Variants in OR5H1 observed in about 807,000 individuals in gnomAD.
OR5H1 encodes the protein olfactory receptor 5H1.
For synonymous variants in OR5H1, 124 were observed against 134.4 expected, an observed-to-expected ratio of 0.92 and a Z score of 0.54; for missense variants, 378 against 366.8, an observed-to-expected ratio of 1.03 and a Z score of -0.25.
At position 98,133,587 on chromosome 3, in the gene OR5H1, T is replaced by C; in HGVS notation, c.890T>C (p.Val297Ala). 1 of 1,610,524 alleles carries C rather than the reference T, an allele frequency of 6.2e-7. No homozygotes were observed. The highest frequency in any genetic ancestry group is 1.1e-5 in the South Asian group (1 of 90,174). ...PIIYSLRNKQ[V>A]TVSFTKMLKK... Reference sequence around the variant, plus strand: ...ATCTACAGTCTGAGAAATAAGCAAGTCACAGTTTCATTCACAAAAATGTTA... The same window carrying C: ...ATCTACAGTCTGAGAAATAAGCAAGCCACAGTTTCATTCACAAAAATGTTA... Residue 297 changes from valine (V) to alanine (A), a missense_variant, in exon 2 of 2, where the codon GTC becomes GCC. Val to Ala is a moderately conservative substitution (Grantham distance 64). Transcript: ENST00000641874.
At position 98,133,760 on chromosome 3, in the gene OR5H1, T is replaced by A. The variant is rs1258782146; in HGVS notation, c.*121T>A. On this transcript the variant is annotated 3_prime_UTR_variant, in exon 2 of 2. Transcript: ENST00000641874. ...GTTCTAGCACTTTAGTGAGCTAATG[T>A]TTTAGTACCTAATAAACTAATCGCA... 1.4e-5 allele frequency: 10 copies of A among 736,812 alleles called. No homozygotes were observed. The highest frequency in any genetic ancestry group is 2.2e-5 in the Non-Finnish European group (10 of 445,656). 45.6% of individuals were successfully genotyped at this position (736,812 alleles called of 1,614,324 possible). A position where few individuals can be genotyped will look rare whatever the true frequency, so the allele number is the denominator to read the frequency against.
At position 98,134,180 on chromosome 3, in the gene OR5H1, A is replaced by G. The variant is rs559117586; in HGVS notation, c.*541A>G. The stretch of plus-strand genomic sequence containing the variant: ...GAAATGCAATGAGAAAAATAAAAAT[A>G]GAAGGAATGAACAGTGAAGGCACTG... On this transcript the variant is annotated 3_prime_UTR_variant, in exon 2 of 2. Transcript: ENST00000641874. 6.3e-6 allele frequency: 1 copy of G among 158,864 alleles called. No individual in the cohort carries two copies. Among genetic ancestry groups the G allele is most frequent in the East Asian group, 1.9e-4 (1 of 5,382 alleles). The allele number at this position is 158,864 out of a possible 1,614,324, so 9.8% of individuals were successfully genotyped here. A position where few individuals can be genotyped will look rare whatever the true frequency, so the allele number is the denominator to read the frequency against.
chr3:98,131,742 A>C (rs1708258052), intron 1 of OR5H1, among the ~76,000 whole-genome samples: 1 of 152,000 alleles, frequency 6.6e-6, no homozygotes, highest in Non-Finnish European at 1.5e-5. Context: ...GAGCTCTAAT[A>C]GGCTCATATT....
chr3:98,132,586 G>T, intron 1 of OR5H1, 94 bp from the exon 2 acceptor site: 1 of 1,392,550 alleles, frequency 7.2e-7, no homozygotes, highest in East Asian at 2.3e-5. Flanking sequence ...AGAGGGTTCT[G>T]ATCATTTTAG....
At position 98,133,067 on chromosome 3, in the gene OR5H1, G is replaced by A; in HGVS notation, c.370G>A (p.Val124Ile). ...LLATMAYDRY[V>I]AICKPLLYPA... Reference sequence around the variant, plus strand: ...GGCAACGATGGCATATGATCGCTATGTAGCCATATGCAAACCTTTACTTTA... The same window carrying A: ...GGCAACGATGGCATATGATCGCTATATAGCCATATGCAAACCTTTACTTTA... Residue 124 changes from valine (V) to isoleucine (I), a missense_variant, in exon 2 of 2, where the codon GTA becomes ATA. Physicochemically the swap from Val to Ile is conservative, Grantham distance 29 (BLOSUM62 3). Coordinates refer to ENST00000641874, the MANE Select transcript of OR5H1 (RefSeq NM_001005338.2). 1 of 1,613,590 alleles carries A rather than the reference G, an allele frequency of 6.2e-7. No individual in the cohort carries two copies. Among genetic ancestry groups the A allele is most frequent in the Non-Finnish European group, 8.5e-7 (1 of 1,179,668 alleles).
chr3:98,135,105 A>G lies in OR5H1; in HGVS notation c.*1466A>G, dbSNP rs537180055. ...ATTAGAATTTAGAGTTTATCTGAGG[A>G]GACTCGATTTATTTTGCAACACCAG... On this transcript the variant is annotated 3_prime_UTR_variant, in exon 2 of 2. Transcript: ENST00000641874. 6.6e-6 allele frequency: 1 copy of G among 152,288 alleles called. No homozygotes were observed. Among genetic ancestry groups the G allele is most frequent in the Admixed American group, 6.5e-5 (1 of 15,278 alleles). The allele number at this position is 152,288 out of a possible 1,614,324, so 9.4% of individuals were successfully genotyped here. A position where few individuals can be genotyped will look rare whatever the true frequency, so the allele number is the denominator to read the frequency against.
chr3:98,133,097 G>A lies in OR5H1; in HGVS notation c.400G>A (p.Ala134Thr). ...VAICKPLLYPAIMTNGLCIRL... is the reference protein window; with the variant it reads ...VAICKPLLYPTIMTNGLCIRL... Reference sequence around the variant, plus strand: ...CATATGCAAACCTTTACTTTATCCAGCCATTATGACCAATGGACTGTGCAT... The same window carrying A: ...CATATGCAAACCTTTACTTTATCCAACCATTATGACCAATGGACTGTGCAT... Residue 134 changes from alanine to threonine, a missense_variant, in exon 2 of 2, where the codon GCC becomes ACC. Ala to Thr is a moderately conservative substitution (Grantham distance 58). Transcript: ENST00000641874. 5.0e-6 allele frequency: 8 copies of A among 1,613,526 alleles called. No homozygotes were observed. Among genetic ancestry groups the A allele is most frequent in the Non-Finnish European group, 6.8e-6 (8 of 1,179,686 alleles).
Position 98,132,805 on chromosome 3 carries a change from C to T in OR5H1, c.108C>T (p.Leu36=). Residue 36 remains leucine (L), a synonymous_variant, in exon 2 of 2, where the codon CTC becomes CTT. Transcript: ENST00000641874. The part of the protein sequence containing the change: ...PLFLAFLVIY[L]ITIMGNLGLI... ...TCCTGGCATTCTTGGTAATATATCT[C>T]ATCACCATCATGGGGAATCTTGGTC... The T allele has an allele frequency of 6.2e-7, 1 of 1,613,528 alleles. No individual in the cohort carries two copies. Among genetic ancestry groups the T allele is most frequent in the Non-Finnish European group, 8.5e-7 (1 of 1,179,596 alleles).
chr3:98,131,501 G>A (rs1291793983), intron 1 of OR5H1, among the ~76,000 whole-genome samples: 1 of 151,152 alleles, frequency 6.6e-6, no homozygotes, highest in South Asian at 2.1e-4. Context: ...AGTTCTTTTG[G>A]CAGTATGTTA....
At chr3:98,132,588 T>A in intron 1 of OR5H1, 92 bp from the exon 2 acceptor site, 2 of 1,403,640 alleles carry the variant, frequency 1.4e-6, no homozygotes, top group Non-Finnish European at 1.9e-6. Context: ...AGGGTTCTGA[T>A]CATTTTAGGT....
At position 98,135,247 on chromosome 3, in the gene OR5H1, TG is replaced by T. The variant is rs1187365370; in HGVS notation, c.*1609del. The T allele has an allele frequency of 6.6e-6, 1 of 152,052 alleles. No homozygotes were observed. Among genetic ancestry groups the T allele is most frequent in the Admixed American group, 6.6e-5 (1 of 15,244 alleles). The allele number at this position is 152,052 out of a possible 1,614,324, so 9.4% of individuals were successfully genotyped here. On this transcript the variant is annotated 3_prime_UTR_variant, in exon 2 of 2. Transcript: ENST00000641874. ...TGTATTGGTTAAAGTGGAGCAGTAG[TG>T]TTATTTTGATCATTCCAGTGGAAAA...
rs750381220 is a variant in OR5H1, at chr3:98,133,380, A to C, written c.683A>C (p.Lys228Thr). The C allele has an allele frequency of 6.2e-7, 1 of 1,613,286 alleles. No individual in the cohort carries two copies. The highest frequency in any genetic ancestry group is 1.1e-5 in the South Asian group (1 of 91,076). The change falls in exon 2 of 2, where the codon AAG becomes ACG. Residue 228 changes from lysine to threonine, a missense_variant. Lys to Thr is a moderately conservative substitution (Grantham distance 78). Transcript: ENST00000641874. ...YTFVLFAILKKKSDKGVRKAF... is the reference protein window; with the variant it reads ...YTFVLFAILKTKSDKGVRKAF... ...TTTGTTCTCTTCGCAATCTTAAAAAAGAAATCTGATAAAGGTGTAAGGAAA... is the reference window on the plus strand; with the variant it reads ...TTTGTTCTCTTCGCAATCTTAAAAACGAAATCTGATAAAGGTGTAAGGAAA...
At position 98,137,345 on chromosome 3, in the gene OR5H1, C is replaced by G. The variant is rs763005027; in HGVS notation, c.*3706C>G. On this transcript the variant is annotated 3_prime_UTR_variant, in exon 2 of 2. Coordinates refer to ENST00000641874, the MANE Select transcript of OR5H1 (RefSeq NM_001005338.2). ...AATCTTTACTTGTCAGAGCCTTTTC[C>G]GCAAATCTGTTGAGATTAGACAGAT... 6.6e-6 allele frequency: 1 copy of G among 152,100 alleles called. No homozygotes were observed. Among genetic ancestry groups the G allele is most frequent in the Non-Finnish European group, 1.5e-5 (1 of 68,010 alleles). The allele number at this position is 152,100 out of a possible 1,614,324, so 9.4% of individuals were successfully genotyped here.
chr3:98,133,611 T>TA lies in OR5H1; in HGVS notation c.921dup (p.His308ThrfsTer3), dbSNP rs750155763. On this transcript the variant is annotated frameshift_variant, in exon 2 of 2. Transcript: ENST00000641874. LOFTEE classifies it low-confidence loss of function (END_TRUNC). ...GTCACAGTTTCATTCACAAAAATGT[T>TA]AAAAAAACATGTTAAGGTTTCATAC... The TA allele has an allele frequency of 1.2e-5, 20 of 1,603,768 alleles. No individual in the cohort carries two copies. In the East Asian group the frequency reaches 2.2e-4, roughly 18 times the overall value.
Position 98,133,459 on chromosome 3 carries a change from C to A in OR5H1, c.762C>A (p.Pro254=). ...HLFSVSLYYG[P]LLFIYVGPAS... is the part of the protein sequence containing the mutation. Reference sequence around the variant, plus strand: ...TCTCTGTCTCTTTATACTATGGACCCCTTCTCTTCATTTATGTGGGCCCTG... The same window carrying A: ...TCTCTGTCTCTTTATACTATGGACCACTTCTCTTCATTTATGTGGGCCCTG... The change falls in exon 2 of 2, where the codon CCC becomes CCA. Residue 254 remains proline (P), a synonymous_variant. Transcript: ENST00000641874. 1.3e-6 allele frequency: 2 copies of A among 1,526,152 alleles called. No individual in the cohort carries two copies. Among genetic ancestry groups the A allele is most frequent in the Non-Finnish European group, 1.8e-6 (2 of 1,100,864 alleles). 94.5% of individuals were successfully genotyped at this position (1,526,152 alleles called of 1,614,324 possible). A position where few individuals can be genotyped will look rare whatever the true frequency, so the allele number is the denominator to read the frequency against.
chr3:98,135,988 G>A lies in OR5H1; in HGVS notation c.*2349G>A, dbSNP rs1490597441. ...GTGAACTTCCTGAGTGGGACACTAA[G>A]CATCATGCATGAAGATTATCCTCTG... On this transcript the variant is annotated 3_prime_UTR_variant, in exon 2 of 2. Transcript: ENST00000641874. 1.3e-5 allele frequency: 2 copies of A among 152,196 alleles called. No individual in the cohort carries two copies. The highest frequency in any genetic ancestry group is 6.5e-5 in the Admixed American group (1 of 15,282). 9.4% of individuals were successfully genotyped at this position (152,196 alleles called of 1,614,324 possible).
rs746725091 is a variant in OR5H1, at chr3:98,132,776, C to T, written c.79C>T (p.Leu27=). 2.0e-5 allele frequency: 33 copies of T among 1,613,538 alleles called. No homozygotes were observed. The highest frequency in any genetic ancestry group is 1.9e-4 in the South Asian group (17 of 91,068). The change falls in exon 2 of 2, where the codon CTG becomes TTG. Residue 27 remains leucine (L), a synonymous_variant. Transcript: ENST00000641874. ...FLYQPQWKIP[L]FLAFLVIYLI... ...ATATCAACCACAGTGGAAAATACCC[C>T]TGTTCCTGGCATTCTTGGTAATATA...
Position 98,133,743 on chromosome 3 carries a change from A to C in OR5H1, c.*104A>C, listed in dbSNP as rs1576097484. ...TTTTTGCAAGTACAACTGTTCTAGC[A>C]CTTTAGTGAGCTAATGTTTTAGTAC... On this transcript the variant is annotated 3_prime_UTR_variant, in exon 2 of 2. Coordinates refer to ENST00000641874, the MANE Select transcript of OR5H1 (RefSeq NM_001005338.2). 2.3e-6 allele frequency: 2 copies of C among 867,664 alleles called. No individual in the cohort carries two copies. Among genetic ancestry groups the C allele is most frequent in the South Asian group, 1.5e-5 (1 of 66,080 alleles). The allele number at this position is 867,664 out of a possible 1,614,324, so 53.7% of individuals were successfully genotyped here. A position where few individuals can be genotyped will look rare whatever the true frequency, so the allele number is the denominator to read the frequency against.
chr3:98,132,974 T>A lies in OR5H1; in HGVS notation c.277T>A (p.Ser93Thr), dbSNP rs761037640. 5.6e-6 allele frequency: 9 copies of A among 1,613,482 alleles called. No homozygotes were observed. The African/African-American group carries it at 1.1e-4, about 19-fold the overall frequency. Reference sequence around the variant, plus strand: ...CTTCTTAGCTAAGAGTAAGATGATATCTCTCTCTGAATGCAAGATACAGTT... The same window carrying A: ...CTTCTTAGCTAAGAGTAAGATGATAACTCTCTCTGAATGCAAGATACAGTT... ...NNFLAKSKMI[S>T]LSECKIQFFS... The change falls in exon 2 of 2, where the codon TCT becomes ACT. Residue 93 changes from serine to threonine, a missense_variant. Transcript: ENST00000641874.
Sources: allele counts gnomAD v4.1 joint callset (sites outside exome capture counted in the v4.1 genomes callset), GRCh38; gene constraint gnomAD v4.1.1; transcripts MANE v1.5; gene names NCBI Gene and HGNC (gene_info 2026-07-23, HGNC 2026-07-21).